The following GUSB variants were observed in gnomAD, a reference collection of about 807,000 sequenced individuals.
GUSB encodes the protein glucuronidase beta, also known as beta-glucuronidase.
GUSB carries 51 observed loss-of-function variants against 74.6 expected under a neutral mutation model. That is an observed-to-expected ratio of 0.68 (90% CI 0.55 to 0.86). GUSB has a LOEUF of 0.86. GUSB is among the 40% of genes least tolerant of loss of function. GUSB has a pLI of 0.00. For missense variants in GUSB, 736 were observed against 853.7 expected, an observed-to-expected ratio of 0.86 and a Z score of 1.72; for synonymous variants, 360 against 348.3, an observed-to-expected ratio of 1.03 and a Z score of -0.37.
At chr7:65,964,217 C>T in intron 11 of GUSB, 106 bp downstream of exon 11, 1 of 1,047,162 alleles carries the variant, frequency 9.5e-7, no homozygotes, top group South Asian at 1.3e-5. Flanking sequence ...ACCAGCTTCC[C>T]CAACTTTGTT....
Position 65,964,383 on chromosome 7 carries a change from G to A in GUSB, c.1729C>T (p.Arg577Cys), listed in dbSNP as rs747104326. 3.1e-6 allele frequency: 5 copies of A among 1,611,348 alleles called. No homozygotes were observed. Among genetic ancestry groups the A allele is most frequent in the East Asian group, 2.2e-5 (1 of 44,884 alleles). The change falls in exon 11 of 12, where the codon CGC becomes TGC. Residue 577 changes from arginine (R) to cysteine (C), a missense_variant. By Grantham distance (180) the Arg-to-Cys change is radical. Coordinates refer to ENST00000304895, the MANE Select transcript of GUSB (RefSeq NM_000181.4). ...AGCTCTCCAACCACGTATTTTCTGC[G>A]TTTTTGATCCAGACCCAGATGGTAC... ...EQYHLGLDQK[R>C]RKYVVGELIW... is the part of the protein sequence containing the mutation.
intron 4 of GUSB, 119 bp downstream of exon 4, chr7:65,979,280 G>C (rs1231314392): frequency 9.8e-7 from 1 of 1,024,870 alleles, no homozygotes; most frequent in Non-Finnish European, 1.5e-6. Context: ...ATAGGTGGAA[G>C]GGAATCTGTG....
chr7:65,969,239 G>C (rs1791040070), intron 9 of GUSB, among the ~76,000 whole-genome samples: 1 of 152,024 alleles, frequency 6.6e-6, no homozygotes, highest in South Asian at 2.1e-4. Flanking sequence ...AAAATTAGCT[G>C]GGTGTGGTGG....
intron 8 of GUSB, among the ~76,000 whole-genome samples, chr7:65,971,149 A>C (rs4718296): frequency 0.32 from 48,941 of 152,004 alleles, 8,926 homozygotes; most frequent in East Asian, 0.48. Context: ...TCTTGAACAC[A>C]GGAGGTGGAT....
At chr7:65,966,863 A>G (rs1386722299) in intron 10 of GUSB, among the ~76,000 whole-genome samples, 2 of 152,142 alleles carry the variant, frequency 1.3e-5, no homozygotes, top group Non-Finnish European at 2.9e-5. Context: ...AGGAAGATCA[A>G]TTGAGTCCAG....
At chr7:65,964,298 T>G (rs1790686562) in intron 11 of GUSB, 25 bp downstream of exon 11, 1 of 1,603,020 alleles carries the variant, frequency 6.2e-7, no homozygotes, top group Non-Finnish European at 8.5e-7. Flanking sequence ...GGGTACGTTA[T>G]CCCATGAGCC....
chr7:65,969,224 A>T (rs563651266), intron 9 of GUSB, among the ~76,000 whole-genome samples: 2 of 152,072 alleles, frequency 1.3e-5, no homozygotes, highest in South Asian at 4.2e-4. Flanking sequence ...CTACTAAAAA[A>T]TACAAAAATT....
In GUSB at chr7:65,974,966, C is replaced by T; in HGVS notation, c.1018G>A (p.Gly340Arg). 2 of 1,613,860 alleles carry T rather than the reference C, an allele frequency of 1.2e-6. No homozygotes were observed. Among genetic ancestry groups the T allele is most frequent in the Non-Finnish European group, 1.7e-6 (2 of 1,179,784 alleles). Residue 340 changes from glycine (G) to arginine (R), a missense_variant, in exon 6 of 12, where the codon GGG becomes AGG. Coordinates refer to ENST00000304895, the MANE Select transcript of GUSB (RefSeq NM_000181.4). The stretch of plus-strand genomic sequence containing the variant: ...ACACCGTGGAAATAGAAAGGTTTCC[C>T]ATTGATGAGGAACTGGCTCTTGGTG... ...AVTKSQFLIN[G>R]KPFYFHGVNK...
intron 10 of GUSB, 118 bp from the exon 11 acceptor site, chr7:65,964,576 T>A: frequency 1.2e-6 from 1 of 867,692 alleles, no homozygotes; most frequent in Non-Finnish European, 1.9e-6. Flanking sequence ...GGGGCTATAG[T>A]GACTGCAGGA....
intron 4 of GUSB, among the ~76,000 whole-genome samples, chr7:65,977,305 T>A (rs1290483596): frequency 6.6e-6 from 1 of 152,104 alleles, no homozygotes; most frequent in Non-Finnish European, 1.5e-5. Flanking sequence ...ACCTCCTGAG[T>A]AGCCGGGATT....
Position 65,979,914 on chromosome 7 carries a change from G to T in GUSB, c.397-3C>A. 1 of 1,588,788 alleles carries T rather than the reference G, an allele frequency of 6.3e-7. No individual in the cohort carries two copies. Among genetic ancestry groups the T allele is most frequent in the African/African-American group, 1.3e-5 (1 of 74,590 alleles). On this transcript the variant is annotated splice_region_variant and splice_polypyrimidine_tract_variant and intron_variant, in intron 2 of 11. Transcript: ENST00000304895. ...AGCGTGTCGACCCCATTCACCCACT[G>T]CAGACACAGGAGATACGGGGAGGGG...
rs2116032454 is a variant in GUSB at position 65,979,765 on chromosome 7, C to T, written c.543G>A (p.Leu181=). 2 of 1,613,800 alleles carry T rather than the reference C, an allele frequency of 1.2e-6. No individual in the cohort carries two copies. Among genetic ancestry groups the T allele is most frequent in the South Asian group, 1.1e-5 (1 of 91,080 alleles). Residue 181 remains leucine, a synonymous_variant, in exon 3 of 12, where the codon CTG becomes CTA. Transcript: ENST00000304895. ...TCAGGTATTGGATGGTCCCTGGTGG[C>T]AGGGTGGTGGGGGTGAGTGTGTTGT... ...AINNTLTPTT[L]PPGTIQYLTD... is the part of the protein sequence containing the mutation.
At chr7:65,978,885 C>G (rs941354437) in intron 4 of GUSB, among the ~76,000 whole-genome samples, 20 of 152,100 alleles carry the variant, frequency 1.3e-4, no homozygotes, top group African/African-American at 4.8e-4. Flanking sequence ...TCAAGTGATT[C>G]TCCTGCCTCA....
At chr7:65,966,849 A>T (rs1334278726) in intron 10 of GUSB, among the ~76,000 whole-genome samples, 1 of 152,176 alleles carries the variant, frequency 6.6e-6, no homozygotes, top group Non-Finnish European at 1.5e-5. Flanking sequence ...TTGGAGGCCA[A>T]GGCAGGAAGA....
intron 9 of GUSB, 71 bp from the exon 10 acceptor site, chr7:65,967,978 G>A (rs1231029747): frequency 8.7e-6 from 11 of 1,265,912 alleles, no homozygotes; most frequent in African/African-American, 1.5e-5. Context: ...ACACTGCGGG[G>A]GCTCCTCTGG....
In GUSB at chr7:65,980,429, G is replaced by C. The variant is rs568097786; in HGVS notation, c.211-20C>G. On this transcript the variant is annotated intron_variant, in intron 1 of 11. Transcript: ENST00000304895. ...GCCTGACTGTGGAGAGAAGAGCCGG[G>C]CTCAGCTCCTAGGCCCCCAAAAGGG... The C allele has an allele frequency of 6.8e-6, 11 of 1,608,690 alleles. No homozygotes were observed. The East Asian group carries it at 1.6e-4, about 23-fold the overall frequency.
intron 8 of GUSB, 96 bp downstream of exon 8, chr7:65,974,199 C>A (rs1583919734): frequency 8.4e-7 from 1 of 1,194,482 alleles, no homozygotes; most frequent in East Asian, 2.3e-5. Context: ...TTGGGCTGGA[C>A]ACGAGGCCGA....
chr7:65,978,101 C>T (rs536908971), intron 4 of GUSB, among the ~76,000 whole-genome samples: 2 of 152,110 alleles, frequency 1.3e-5, no homozygotes, highest in African/African-American at 2.4e-5. Flanking sequence ...TGAGCCACCG[C>T]GCCCGCCCTG....
chr7:65,974,445 C>T lies in GUSB; in HGVS notation c.1245-4G>A, dbSNP rs548368848. 5.6e-6 allele frequency: 9 copies of T among 1,614,144 alleles called. No individual in the cohort carries two copies. Among genetic ancestry groups the T allele is most frequent in the Middle Eastern group, 1.6e-4 (1 of 6,062 alleles). On this transcript the variant is annotated splice_polypyrimidine_tract_variant and splice_region_variant and intron_variant, in intron 7 of 11. Coordinates refer to ENST00000304895, the MANE Select transcript of GUSB (RefSeq NM_000181.4). ...AGAAACGTTGTTGAAGAACTGCCTG[C>T]GGGCCAGGAGGGAAGGGACAGAGGG...
Sources: allele counts gnomAD v4.1 joint callset (sites outside exome capture counted in the v4.1 genomes callset), GRCh38; gene constraint gnomAD v4.1.1; transcripts MANE v1.5; gene names NCBI Gene and HGNC (gene_info 2026-07-23, HGNC 2026-07-21).